The following GRM7 variants were observed in gnomAD, a reference collection of about 807,000 sequenced individuals.
The protein encoded by GRM7 is metabotropic glutamate receptor 7.
Under a neutral mutation model 84.5 loss-of-function variants are expected in GRM7, and 35 were observed. The observed-to-expected ratio is 0.41, with a 90% CI of 0.32 to 0.55. The LOEUF is 0.55. Among genes scored for constraint, GRM7 ranks in the 20% least tolerant of loss-of-function variants. The pLI is 0.19. For synonymous variants in GRM7, 487 were observed against 455.1 expected (o/e 1.07, Z -0.89); for missense variants, 1,003 against 1,194.6 (o/e 0.84, Z 2.36).
At chr3:6,946,964 G>T (rs565155852) in intron 1 of GRM7, among the ~76,000 whole-genome samples, 208 of 152,232 alleles carry the variant, frequency 1.4e-3, no homozygotes, top group African/African-American at 4.8e-3. Context: ...TGAGAGGATG[G>T]GGTTTTCTAG....
At chr3:7,648,017 T>C (rs1698733046) in intron 8 of GRM7, among the ~76,000 whole-genome samples, 1 of 152,126 alleles carries the variant, frequency 6.6e-6, no homozygotes, top group Non-Finnish European at 1.5e-5. Flanking sequence ...CCTTTGAAGC[T>C]CACTCGGCCT....
rs529906460 is a variant in GRM7, at chr3:7,269,156, C to G, written c.737-29528C>G. Among the ~76,000 whole-genome samples, 4 of 152,314 alleles carry G rather than the reference C, an allele frequency of 2.6e-5. No individual in the cohort carries two copies. In the South Asian group the frequency reaches 6.2e-4, roughly 24 times the overall value. The stretch of plus-strand genomic sequence containing the variant: ...CTCAAAGCAAGGCATGCTTTTCCAT[C>G]GAAGCACTGTTTTGCCTATCATTAT... On this transcript the variant is annotated intron_variant, in intron 2 of 9. Transcript: ENST00000357716.
At chr3:7,048,064 G>A (rs1189432511) in intron 1 of GRM7, among the ~76,000 whole-genome samples, 1 of 151,944 alleles carries the variant, frequency 6.6e-6, no homozygotes, top group African/African-American at 2.4e-5. Flanking sequence ...GCGATGGAAT[G>A]GAACAGGTCA....
At position 6,862,166 on chromosome 3, in the gene GRM7, T is replaced by A. The variant is rs1370030243; in HGVS notation, c.519+259T>A. On this transcript the variant is annotated intron_variant, in intron 1 of 9. Coordinates refer to ENST00000357716, the MANE Select transcript of GRM7 (RefSeq NM_000844.4). The surrounding 1 kb of genome is among the most constrained non-coding windows in gnomAD (Gnocchi z 5.2). ...TTATGGCCCCATTTACAAGAAGCAA[T>A]CTGCGAAAAACAAGGCGATGATTTA... 6.6e-6 allele frequency among the ~76,000 whole-genome samples: 1 copy of A among 151,948 alleles called. No individual in the cohort carries two copies. The highest frequency in any genetic ancestry group is 2.4e-5 in the African/African-American group (1 of 41,348).
At chr3:7,223,757 G>C (rs907722618) in intron 2 of GRM7, among the ~76,000 whole-genome samples, 1 of 152,138 alleles carries the variant, frequency 6.6e-6, no homozygotes, top group African/African-American at 2.4e-5. Flanking sequence ...AATCTGGAGA[G>C]CCGAATAATA....
At chr3:7,204,192 TG>T (rs780492774) in intron 2 of GRM7, among the ~76,000 whole-genome samples, 69 of 152,310 alleles carry the variant, frequency 4.5e-4, no homozygotes, top group Middle Eastern at 3.4e-3. Flanking sequence ...CACTCGAACA[TG>T]TGGCAGCCTA....
chr3:7,191,103 G>A (rs1559494158), intron 2 of GRM7, among the ~76,000 whole-genome samples: 2 of 151,984 alleles, frequency 1.3e-5, no homozygotes, highest in African/African-American at 4.8e-5. Flanking sequence ...TTGCTTTTGA[G>A]TCCACAGGAT....
chr3:7,091,530 T>A (rs1698663097), intron 1 of GRM7, among the ~76,000 whole-genome samples: 1 of 151,892 alleles, frequency 6.6e-6, no homozygotes, highest in Non-Finnish European at 1.5e-5. Flanking sequence ...AGAAATGACC[T>A]TTTTGGCAGT....
intron 8 of GRM7, among the ~76,000 whole-genome samples, chr3:7,639,114 G>C (rs905050248): frequency 6.6e-6 from 1 of 152,050 alleles, no homozygotes; most frequent in African/African-American, 2.4e-5. Flanking sequence ...CAGACAACTC[G>C]AAGACAATCC....
At chr3:6,887,580 A>G (rs188217064) in intron 1 of GRM7, among the ~76,000 whole-genome samples, 1 of 152,276 alleles carries the variant, frequency 6.6e-6, no homozygotes, top group South Asian at 2.1e-4. Context: ...TTATGGCTGC[A>G]TAGTATTCCA....
At chr3:6,996,139 C>A (rs1205174578) in intron 1 of GRM7, among the ~76,000 whole-genome samples, 1 of 152,114 alleles carries the variant, frequency 6.6e-6, no homozygotes, top group Non-Finnish European at 1.5e-5. Flanking sequence ...ACCTCCTCCT[C>A]CCGAGTTCAA....
At chr3:7,109,447 G>A (rs776874989) in intron 1 of GRM7, among the ~76,000 whole-genome samples, 77 of 152,198 alleles carry the variant, frequency 5.1e-4, no homozygotes, top group South Asian at 4.8e-3. Flanking sequence ...ATTGTCCACG[G>A]TATGGGTTTA....
chr3:7,154,155 CA>C (rs529550731), intron 2 of GRM7, among the ~76,000 whole-genome samples: 1 of 152,098 alleles, frequency 6.6e-6, no homozygotes, highest in South Asian at 2.1e-4. Context: ...GTAGCCATTC[CA>C]AAAAACTTTC....
intron 1 of GRM7, among the ~76,000 whole-genome samples, chr3:6,994,267 A>T (rs1694752930): frequency 1.3e-5 from 2 of 152,144 alleles, no homozygotes; most frequent in African/African-American, 4.8e-5. Context: ...TTTGATGGTG[A>T]AGGAGCAATG....
At chr3:7,068,649 G>C (rs977497155) in intron 1 of GRM7, among the ~76,000 whole-genome samples, 9 of 151,996 alleles carry the variant, frequency 5.9e-5, no homozygotes, top group Non-Finnish European at 8.8e-5. Flanking sequence ...GTAAGTTGCA[G>C]AGTTGAATAG....
At chr3:7,100,828 A>G (rs1423802706) in intron 1 of GRM7, among the ~76,000 whole-genome samples, 1 of 151,828 alleles carries the variant, frequency 6.6e-6, no homozygotes, top group African/African-American at 2.4e-5. Flanking sequence ...GTGTTCTGAC[A>G]CTGTGATAGA....
chr3:7,041,159 T>G (rs2124941270), intron 1 of GRM7, among the ~76,000 whole-genome samples: 1 of 152,120 alleles, frequency 6.6e-6, no homozygotes, highest in South Asian at 2.1e-4. Flanking sequence ...CACATAAAAT[T>G]AAGCACAAAT....
chr3:7,039,529 T>C (rs1421808601), intron 1 of GRM7, among the ~76,000 whole-genome samples: 7 of 152,200 alleles, frequency 4.6e-5, no homozygotes, highest in Non-Finnish European at 7.3e-5. Flanking sequence ...AAGCCTGTAG[T>C]GGCAACATTT....
intron 4 of GRM7, among the ~76,000 whole-genome samples, chr3:7,331,087 C>T (rs1212181179): frequency 6.6e-6 from 1 of 152,064 alleles, no homozygotes; most frequent in Non-Finnish European, 1.5e-5. Flanking sequence ...CCTGTGTTCC[C>T]CAGGAGAACA....
Sources: allele counts gnomAD v4.1 joint callset (sites outside exome capture counted in the v4.1 genomes callset), GRCh38; gene constraint gnomAD v4.1.1; non-coding constraint Gnocchi (gnomAD v3.1); transcripts MANE v1.5; gene names NCBI Gene and HGNC (gene_info 2026-07-23, HGNC 2026-07-21).